Variants in DCDC2C observed in about 807,000 individuals in gnomAD.
DCDC2C encodes the protein doublecortin domain containing 2C.
Under a neutral mutation model 45.0 loss-of-function variants are expected in DCDC2C, and 44 were observed. The ratio of observed to expected loss-of-function variants is 0.98; its 90% CI spans 0.77 to 1.26. The LOEUF (loss-of-function observed/expected upper bound fraction) is 1.26. Among genes scored for constraint, DCDC2C ranks in the 50% most tolerant of loss-of-function variants. The pLI is 0.00. For synonymous variants in DCDC2C, 187 were observed against 178.8 expected, an observed-to-expected ratio of 1.05 and a Z score of -0.37; for missense variants, 447 against 468.9, an observed-to-expected ratio of 0.95 and a Z score of 0.43.
intron 1 of DCDC2C, among the ~76,000 whole-genome samples, chr2:3,707,956 A>G (rs1405962713): frequency 1.3e-5 from 2 of 152,204 alleles, no homozygotes; most frequent in African/African-American, 4.8e-5. Flanking sequence ...TGAAGGTATT[A>G]TTTATTACCC....
At chr2:3,801,137 TGAAAACA>T (rs1427635752) in intron 10 of DCDC2C, among the ~76,000 whole-genome samples, 1 of 152,240 alleles carries the variant, frequency 6.6e-6, no homozygotes, top group African/African-American at 2.4e-5. Flanking sequence ...ATTCACAGAA[TGAAAACA>T]GTCACTTTCA....
intron 1 of DCDC2C, among the ~76,000 whole-genome samples, chr2:3,704,963 T>C (rs1048415607): frequency 6.6e-6 from 1 of 152,210 alleles, no homozygotes; most frequent in African/African-American, 2.4e-5. Flanking sequence ...CTCTGTTTCC[T>C]TGTAGGTTTA....
chr2:3,809,738 C>T (rs1266266979), intron 10 of DCDC2C, among the ~76,000 whole-genome samples: 2 of 152,104 alleles, frequency 1.3e-5, no homozygotes, highest in African/African-American at 4.8e-5. Flanking sequence ...TAAGCTCCCT[C>T]CCCTTACCCC....
chr2:3,732,814 T>C (rs1668913202), intron 3 of DCDC2C, among the ~76,000 whole-genome samples: 1 of 152,088 alleles, frequency 6.6e-6, no homozygotes, highest in South Asian at 2.1e-4. Context: ...CTGGGAGTCA[T>C]AAGAAGGACA....
chr2:3,769,470 C>T (rs1421696160), intron 8 of DCDC2C, 59 bp downstream of exon 8: 10 of 1,441,316 alleles, frequency 6.9e-6, no homozygotes, highest in Admixed American at 2.0e-5. Flanking sequence ...AGCTCCTGCC[C>T]GCCTCAGCGT....
intron 4 of DCDC2C, among the ~76,000 whole-genome samples, chr2:3,746,221 G>T (rs1669356230): frequency 6.6e-6 from 1 of 152,176 alleles, no homozygotes; most frequent in Admixed American, 6.5e-5. Context: ...GGAGCACACG[G>T]CCGGGGGAGC....
intron 2 of DCDC2C, among the ~76,000 whole-genome samples, chr2:3,718,356 G>A (rs564644296): frequency 2.7e-4 from 41 of 152,290 alleles, no homozygotes; most frequent in Non-Finnish European, 4.1e-4. Flanking sequence ...CTGATTCTAT[G>A]GGACGGCTTC....
chr2:3,725,487 CG>C (rs1668628743), intron 2 of DCDC2C, among the ~76,000 whole-genome samples: 5 of 86,432 alleles, frequency 5.8e-5, no homozygotes, highest in Admixed American at 1.3e-4. Flanking sequence ...CAGAGGAAGA[CG>C]AGCAGAGAGG....
chr2:3,785,715 G>A (rs1670634957), intron 10 of DCDC2C, among the ~76,000 whole-genome samples: 1 of 152,144 alleles, frequency 6.6e-6, no homozygotes, highest in Non-Finnish European at 1.5e-5. Context: ...ATGACTAAGT[G>A]ATGACAGTGA....
In DCDC2C at chr2:3,781,610, G is replaced by A. The variant is rs183606402; in HGVS notation, c.1023+2726G>A. Reference sequence around the variant, plus strand: ...CACAGTGGCTCATGCCTGTAATCCTGGCAATTTGGGCGGCTAATGCAGGAG... The same window carrying A: ...CACAGTGGCTCATGCCTGTAATCCTAGCAATTTGGGCGGCTAATGCAGGAG... On this transcript the variant is annotated intron_variant, in intron 9 of 10. Coordinates refer to ENST00000399143, the MANE Select transcript of DCDC2C (RefSeq NM_001287444.2). 2.7e-3 allele frequency among the ~76,000 whole-genome samples: 416 copies of A among 152,270 alleles called. 1 individual carries two copies. Among genetic ancestry groups the A allele is most frequent in the South Asian group, 6.0e-3 (29 of 4,820 alleles).
At chr2:3,780,749 G>A (rs1246378299) in intron 9 of DCDC2C, among the ~76,000 whole-genome samples, 1 of 152,160 alleles carries the variant, frequency 6.6e-6, no homozygotes, top group African/African-American at 2.4e-5. Flanking sequence ...CGATCTTTAA[G>A]GAAGGCAGAA....
chr2:3,753,878 G>A (rs1264326493), intron 5 of DCDC2C, among the ~76,000 whole-genome samples: 2 of 152,128 alleles, frequency 1.3e-5, no homozygotes, highest in East Asian at 1.9e-4. Flanking sequence ...CCAGGCAGAT[G>A]GTTAGGTTAG....
At chr2:3,810,006 G>A (rs954417963) in intron 10 of DCDC2C, among the ~76,000 whole-genome samples, 6 of 152,132 alleles carry the variant, frequency 3.9e-5, no homozygotes, top group Non-Finnish European at 8.8e-5. Flanking sequence ...ATGGGCATTT[G>A]GGTTTGTTCC....
intron 6 of DCDC2C, among the ~76,000 whole-genome samples, chr2:3,755,165 ATGTATGGATGCATGTGTG>A (rs1334138501): frequency 7.9e-5 from 12 of 151,274 alleles, no homozygotes; most frequent in African/African-American, 2.9e-4. Flanking sequence ...ATGCATGTGT[ATGTATGGATGCATGTGTG>A]TGTATGGATG....
chr2:3,801,387 A>G (rs1411840781), intron 10 of DCDC2C, among the ~76,000 whole-genome samples: 1 of 152,216 alleles, frequency 6.6e-6, no homozygotes, highest in Non-Finnish European at 1.5e-5. Context: ...GGTGCATAAG[A>G]TGAATCCATG....
Position 3,772,479 on chromosome 2 carries a change from G to A in DCDC2C, c.954+3068G>A, listed in dbSNP as rs944606713. ...TTCCAGTGTCTAGGAGCTTCTCCCAGTACTTGTTAGTCAGTTCTGGAACAT... is the reference window on the plus strand; with the variant it reads ...TTCCAGTGTCTAGGAGCTTCTCCCAATACTTGTTAGTCAGTTCTGGAACAT... On this transcript the variant is annotated intron_variant, in intron 8 of 10. Coordinates refer to ENST00000399143, the MANE Select transcript of DCDC2C (RefSeq NM_001287444.2). Among the ~76,000 whole-genome samples the A allele has an allele frequency of 1.8e-4, 27 of 152,212 alleles. 2 individuals are homozygous for A. The South Asian group carries it at 3.5e-3, about 20-fold the overall frequency.
At chr2:3,797,581 A>G (rs7560672) in intron 10 of DCDC2C, among the ~76,000 whole-genome samples, 52,124 of 129,942 alleles carry the variant, frequency 0.4, 10,922 homozygotes, top group East Asian at 0.78. Flanking sequence ...CTTTGTTCTC[A>G]TTGGTTTCAA....
At chr2:3,778,102 G>A (rs958220422) in intron 8 of DCDC2C, among the ~76,000 whole-genome samples, 4 of 145,278 alleles carry the variant, frequency 2.8e-5, no homozygotes, top group African/African-American at 7.5e-5. Context: ...CACCCACACC[G>A]CATCTTCTCT....
At chr2:3,731,790 C>A (rs1225722934) in intron 3 of DCDC2C, among the ~76,000 whole-genome samples, 1 of 152,160 alleles carries the variant, frequency 6.6e-6, no homozygotes, top group Non-Finnish European at 1.5e-5. Flanking sequence ...AGACTGATTT[C>A]CCATGAACTG....
Sources: gnomAD v4.1 joint callset for allele counts (sites outside exome capture counted in the v4.1 genomes callset) on GRCh38, gnomAD v4.1.1 for gene constraint, MANE v1.5 for transcripts, NCBI Gene and HGNC (gene_info 2026-07-23, HGNC 2026-07-21) for gene names.